The following CLIC2 variants were observed in gnomAD, a reference collection of about 807,000 sequenced individuals.
The protein encoded by CLIC2 is chloride intracellular channel protein 2.
A neutral mutation model predicts 14.8 loss-of-function variants in CLIC2; 9 were observed. That is an observed-to-expected ratio of 0.61 (90% confidence interval 0.37 to 1.06). CLIC2 has a LOEUF of 1.06. CLIC2 is among the 50% of genes least tolerant of loss of function. CLIC2 has a pLI of 0.01. For synonymous variants in CLIC2, 61 were observed against 66.3 expected, an observed-to-expected ratio of 0.92 and a Z score of 0.39; for missense variants, 148 against 181.4, an observed-to-expected ratio of 0.82 and a Z score of 1.06.
chrX:155,310,704 C>G (rs1178168557), intron 1 of CLIC2, among the ~76,000 whole-genome samples: 4 of 112,481 alleles, frequency 3.6e-5, no homozygotes, highest in Non-Finnish European at 7.5e-5. Context: ...CCCCACATTT[C>G]CCTTCCATAC....
chrX:155,305,581 GGC>G (rs1349861706), intron 1 of CLIC2, among the ~76,000 whole-genome samples: 1 of 112,308 alleles, frequency 8.9e-6, no homozygotes, highest in Non-Finnish European at 1.9e-5. Flanking sequence ...GTTCCTATTC[GGC>G]CATCTTGGCT....
intron 3 of CLIC2, among the ~76,000 whole-genome samples, chrX:155,287,049 A>T (rs2074945427): frequency 8.9e-6 from 1 of 111,888 alleles, no homozygotes. Context: ...GCCTGTTCCT[A>T]TGTCTAGGAT....
At chrX:155,311,315 C>T (rs1404302421) in intron 1 of CLIC2, among the ~76,000 whole-genome samples, 2 of 111,682 alleles carry the variant, frequency 1.8e-5, no homozygotes, top group African/African-American at 3.3e-5. Flanking sequence ...TTTCTTCTGC[C>T]AGATACCCTA....
At chrX:155,286,375 T>C (rs906377654) in intron 3 of CLIC2, among the ~76,000 whole-genome samples, 3 of 112,423 alleles carry the variant, frequency 2.7e-5, no homozygotes, top group Non-Finnish European at 5.6e-5. Context: ...TTATTCAGTC[T>C]GTCATTGATG....
intron 3 of CLIC2, among the ~76,000 whole-genome samples, chrX:155,298,549 G>C (rs1179528130): frequency 3.6e-5 from 4 of 112,258 alleles, no homozygotes; most frequent in Non-Finnish European, 7.5e-5. Context: ...CTAGAGCACA[G>C]AGAACTTACC....
chrX:155,302,330 T>G (rs1359465497), intron 1 of CLIC2, among the ~76,000 whole-genome samples: 9 of 109,130 alleles, frequency 8.2e-5, no homozygotes, highest in African/African-American at 3.0e-4. Flanking sequence ...GTCCAGGAAT[T>G]TATCCATTTC....
At chrX:155,297,660 G>A (rs1478668860) in intron 3 of CLIC2, among the ~76,000 whole-genome samples, 1 of 97,318 alleles carries the variant, frequency 1.0e-5, no homozygotes, top group African/African-American at 3.7e-5. Context: ...GGCTAACACG[G>A]TGAAACCTCA....
chrX:155,286,634 C>CTA (rs2074943990), intron 3 of CLIC2, among the ~76,000 whole-genome samples: 1 of 112,364 alleles, frequency 8.9e-6, no homozygotes. Context: ...ACAACCTTGC[C>CTA]AGCATCTGCT....
chrX:155,314,283 C>T (rs181532876), intron 1 of CLIC2, among the ~76,000 whole-genome samples: 202 of 111,991 alleles, frequency 1.8e-3, no homozygotes, highest in African/African-American at 6.3e-3. Context: ...CAATACAAAT[C>T]CAGCACATTA....
At chrX:155,333,294 C>T (rs1177189195) in intron 1 of CLIC2, among the ~76,000 whole-genome samples, 1 of 111,188 alleles carries the variant, frequency 9.0e-6, no homozygotes, top group African/African-American at 3.3e-5. Flanking sequence ...ACTTTAATGC[C>T]TTAGTTTACC....
intron 1 of CLIC2, among the ~76,000 whole-genome samples, chrX:155,305,734 T>A (rs1557319965): frequency 8.9e-6 from 1 of 112,325 alleles, no homozygotes; most frequent in African/African-American, 3.2e-5. Flanking sequence ...TTTGGAAAAA[T>A]TATTTGTATT....
At chrX:155,303,881 T>C (rs2075032646) in intron 1 of CLIC2, among the ~76,000 whole-genome samples, 1 of 105,351 alleles carries the variant, frequency 9.5e-6, no homozygotes, top group South Asian at 4.5e-4. Flanking sequence ...TTGAAAATTC[T>C]TTTCTTTAAG....
intron 1 of CLIC2, among the ~76,000 whole-genome samples, chrX:155,328,778 CA>C (rs1434847468): frequency 9.0e-6 from 1 of 110,734 alleles, no homozygotes; most frequent in Non-Finnish European, 1.9e-5. Flanking sequence ...AAAAAAGACA[CA>C]TAGATCAGTG....
chrX:155,290,689 C>A, intron 3 of CLIC2: 1 of 904,443 alleles, frequency 1.1e-6, no homozygotes, highest in Admixed American at 2.2e-5. Context: ...CGAGCTGAAT[C>A]CTTGGGAATC....
At chrX:155,313,107 G>C (rs1418486928) in intron 1 of CLIC2, among the ~76,000 whole-genome samples, 1 of 107,577 alleles carries the variant, frequency 9.3e-6, no homozygotes, top group African/African-American at 3.4e-5. Flanking sequence ...ACTTTGGGAT[G>C]CCACGGAGGG....
intron 1 of CLIC2, among the ~76,000 whole-genome samples, chrX:155,305,387 AC>A (rs1236079658): frequency 1.8e-5 from 2 of 112,153 alleles, no homozygotes; most frequent in East Asian, 5.6e-4. Context: ...GAACTCCCTG[AC>A]CCCTTGCTCT....
intron 1 of CLIC2, among the ~76,000 whole-genome samples, chrX:155,326,920 A>T (rs2075140369): frequency 8.9e-6 from 1 of 111,762 alleles, no homozygotes; most frequent in Admixed American, 9.6e-5. Flanking sequence ...TTAATGGTTG[A>T]GGGACTGGAT....
intron 1 of CLIC2, among the ~76,000 whole-genome samples, chrX:155,313,770 A>G (rs1355063552): frequency 1.8e-5 from 2 of 111,834 alleles, no homozygotes; most frequent in Non-Finnish European, 3.8e-5. Flanking sequence ...TTTAGCTGGG[A>G]GGCTGGTGGT....
intron 1 of CLIC2, among the ~76,000 whole-genome samples, chrX:155,312,170 T>G (rs1358802959): frequency 2.7e-5 from 3 of 112,342 alleles, no homozygotes; most frequent in African/African-American, 9.7e-5. Context: ...TAAGTTTAAT[T>G]AGACCCCATT....
Sources: allele counts gnomAD v4.1 joint callset (sites outside exome capture counted in the v4.1 genomes callset), GRCh38; gene constraint gnomAD v4.1.1; transcripts MANE v1.5; gene names NCBI Gene and HGNC (gene_info 2026-07-23, HGNC 2026-07-21).